Variants in MARCHF11 observed in about 807,000 individuals in gnomAD.
MARCHF11 encodes E3 ubiquitin-protein ligase MARCHF11.
In MARCHF11, 29 loss-of-function variants were observed where a neutral mutation model predicts 37.3. The ratio of observed to expected loss-of-function variants is 0.78; its 90% CI spans 0.58 to 1.06. The LOEUF (loss-of-function observed/expected upper bound fraction) is 1.06, where lower values mean the gene tolerates loss of function less well. Among genes scored for constraint, MARCHF11 ranks in the 50% least tolerant of loss-of-function variants. The pLI, the probability that MARCHF11 is intolerant of heterozygous loss-of-function variation, is 0.00. For missense variants in MARCHF11, 482 were observed against 533.4 expected, an observed-to-expected ratio of 0.90 and a Z score of 0.95; for synonymous variants, 233 against 228.0, an observed-to-expected ratio of 1.02 and a Z score of -0.20.
intron 2 of MARCHF11, among the ~76,000 whole-genome samples, chr5:16,119,301 A>T (rs985141254): frequency 6.6e-6 from 1 of 151,862 alleles, no homozygotes; most frequent in African/African-American, 2.4e-5. Flanking sequence ...GGCGGAGGTT[A>T]CAGTGAGCCA....
At chr5:16,120,036 T>C (rs949394273) in intron 2 of MARCHF11, among the ~76,000 whole-genome samples, 1 of 152,228 alleles carries the variant, frequency 6.6e-6, no homozygotes, top group Non-Finnish European at 1.5e-5. Flanking sequence ...GGCCTGTATC[T>C]GTGCAGCAGG....
At chr5:16,090,649 G>A (rs1022911725) in intron 3 of MARCHF11, among the ~76,000 whole-genome samples, 4 of 151,644 alleles carry the variant, frequency 2.6e-5, no homozygotes, top group African/African-American at 9.7e-5. Flanking sequence ...TCTTTAAGTT[G>A]CACAATATCT....
chr5:16,159,780 C>T (rs1023253602), intron 2 of MARCHF11, among the ~76,000 whole-genome samples: 6 of 151,874 alleles, frequency 4.0e-5, no homozygotes, highest in Admixed American at 6.6e-5. Context: ...AGGAGATGGT[C>T]GGTGCCTCAA....
At chr5:16,145,379 A>G (rs1054610507) in intron 2 of MARCHF11, among the ~76,000 whole-genome samples, 5 of 152,142 alleles carry the variant, frequency 3.3e-5, no homozygotes, top group Non-Finnish European at 7.4e-5. Context: ...CTCTTCCACC[A>G]TGTGGGGACC....
At chr5:16,130,409 G>T (rs1350438396) in intron 2 of MARCHF11, among the ~76,000 whole-genome samples, 1 of 152,100 alleles carries the variant, frequency 6.6e-6, no homozygotes, top group Non-Finnish European at 1.5e-5. Context: ...TTGTGAAATT[G>T]TGATTTAAAA....
rs191473163 is a variant in MARCHF11, at chr5:16,169,275, C to T, written c.693+8451G>A. Among the ~76,000 whole-genome samples the T allele has an allele frequency of 3.3e-4, 50 of 152,082 alleles. No individual in the cohort carries two copies. In the East Asian group the frequency reaches 5.2e-3, roughly 16 times the overall value. ...ACTTATGGGCGACATCCTCCTCACC[C>T]CCGACACCCCATGCCCAAATTAAGC... On this transcript the variant is annotated intron_variant, in intron 2 of 3. Coordinates refer to ENST00000332432, the MANE Select transcript of MARCHF11 (RefSeq NM_001102562.3).
At chr5:16,087,747 G>A (rs1736722303) in intron 3 of MARCHF11, among the ~76,000 whole-genome samples, 1 of 152,102 alleles carries the variant, frequency 6.6e-6, no homozygotes, top group Non-Finnish European at 1.5e-5. Flanking sequence ...TATTGGGAAA[G>A]AAGAAACTGT....
intron 2 of MARCHF11, among the ~76,000 whole-genome samples, chr5:16,100,291 T>G (rs1015102224): frequency 6.6e-6 from 1 of 151,798 alleles, no homozygotes; most frequent in Non-Finnish European, 1.5e-5. Flanking sequence ...GACACGGGAG[T>G]AGGCGAGGCT....
At chr5:16,090,620 T>C (rs1387794577) in intron 3 of MARCHF11, among the ~76,000 whole-genome samples, 1 of 152,102 alleles carries the variant, frequency 6.6e-6, no homozygotes, top group African/African-American at 2.4e-5. Flanking sequence ...CCAAATAATT[T>C]ATTCAACCCT....
intron 2 of MARCHF11, among the ~76,000 whole-genome samples, chr5:16,160,564 T>C (rs1287355372): frequency 6.6e-6 from 1 of 151,308 alleles, no homozygotes; most frequent in Non-Finnish European, 1.5e-5. Flanking sequence ...TTTAAATGGA[T>C]TTAATATTAT....
At chr5:16,070,676 TGC>T (rs1736420054) in intron 3 of MARCHF11, among the ~76,000 whole-genome samples, 1 of 152,230 alleles carries the variant, frequency 6.6e-6, no homozygotes, top group African/African-American at 2.4e-5. Flanking sequence ...CTAACCAATA[TGC>T]ACAAACAAAT....
chr5:16,154,262 G>C (rs1471216452), intron 2 of MARCHF11, among the ~76,000 whole-genome samples: 2 of 151,972 alleles, frequency 1.3e-5, no homozygotes, highest in African/African-American at 4.8e-5. Context: ...ATTCTGTAAG[G>C]AGTAATGTGA....
chr5:16,175,976 A>G (rs1009267445), intron 2 of MARCHF11, among the ~76,000 whole-genome samples: 9 of 152,246 alleles, frequency 5.9e-5, no homozygotes, highest in African/African-American at 2.2e-4. Context: ...GGGGAAAAGG[A>G]AAATCATATG....
intron 2 of MARCHF11, among the ~76,000 whole-genome samples, chr5:16,098,581 A>G (rs1736907826): frequency 6.6e-6 from 1 of 152,118 alleles, no homozygotes; most frequent in Non-Finnish European, 1.5e-5. Flanking sequence ...CAACCTGGCC[A>G]ACATGGTGAA....
At chr5:16,083,559 A>G (rs186525570) in intron 3 of MARCHF11, among the ~76,000 whole-genome samples, 2 of 152,192 alleles carry the variant, frequency 1.3e-5, no homozygotes, top group Non-Finnish European at 2.9e-5. Context: ...TCTTGGGCAA[A>G]CTCATTTTTT....
intron 2 of MARCHF11, among the ~76,000 whole-genome samples, chr5:16,102,941 G>C (rs1038851254): frequency 1.3e-5 from 2 of 152,184 alleles, no homozygotes; most frequent in African/African-American, 4.8e-5. Flanking sequence ...GTTCCATGAA[G>C]GGGTCAAGGG....
chr5:16,143,654 A>G (rs539801655), intron 2 of MARCHF11, among the ~76,000 whole-genome samples: 1 of 152,318 alleles, frequency 6.6e-6, no homozygotes, highest in South Asian at 2.1e-4. Context: ...TTTTTCCTCA[A>G]CTCTGATTCT....
At chr5:16,070,265 C>G (rs1028530694) in intron 3 of MARCHF11, among the ~76,000 whole-genome samples, 1 of 152,098 alleles carries the variant, frequency 6.6e-6, no homozygotes, top group African/African-American at 2.4e-5. Context: ...ATTTTTCCTC[C>G]TTAAAATGAA....
At chr5:16,147,526 G>A (rs1428628545) in intron 2 of MARCHF11, among the ~76,000 whole-genome samples, 1 of 152,152 alleles carries the variant, frequency 6.6e-6, no homozygotes, top group Non-Finnish European at 1.5e-5. Context: ...TAAGATAATA[G>A]TAGGTCCTAG....
Sources: gnomAD v4.1 joint callset for allele counts (sites outside exome capture counted in the v4.1 genomes callset) on GRCh38, gnomAD v4.1.1 for gene constraint, MANE v1.5 for transcripts, NCBI Gene and HGNC (gene_info 2026-07-23, HGNC 2026-07-21) for gene names.